The following PCDH7 variants were observed in gnomAD, a reference collection of about 807,000 sequenced individuals.
The protein encoded by PCDH7 is protocadherin 7.
A neutral mutation model predicts 58.9 loss-of-function variants in PCDH7; 17 were observed. That is an observed-to-expected ratio of 0.29 (90% CI 0.20 to 0.43). The LOEUF is 0.43. Among genes scored for constraint, PCDH7 ranks in the 20% least tolerant of loss-of-function variants. The probability of loss-of-function intolerance (pLI) is 1.00; values close to 1 mark genes in which losing one functional copy is unlikely to be tolerated. For missense variants in PCDH7, 1,274 were observed against 1,441.0 expected, an observed-to-expected ratio of 0.88 and a Z score of 1.88; for synonymous variants, 664 against 616.4, an observed-to-expected ratio of 1.08 and a Z score of -1.14.
At chr4:30,753,234 G>A (rs1024747336) in intron 1 of PCDH7, among the ~76,000 whole-genome samples, 1 of 152,044 alleles carries the variant, frequency 6.6e-6, no homozygotes, top group African/African-American at 2.4e-5. Context: ...TTTATTTCTG[G>A]TACATATCTC....
At chr4:31,083,955 G>C (rs1048929363) in intron 3 of PCDH7, among the ~76,000 whole-genome samples, 5 of 152,156 alleles carry the variant, frequency 3.3e-5, no homozygotes, top group Admixed American at 3.3e-4. Context: ...TTAAGTGATA[G>C]TAAATGTGAG....
chr4:30,924,160 C>T (rs367632204), intron 2 of PCDH7, among the ~76,000 whole-genome samples: 1 of 152,138 alleles, frequency 6.6e-6, no homozygotes, highest in Non-Finnish European at 1.5e-5. Flanking sequence ...CCTACTTGAT[C>T]TTTCCAAAGC....
At chr4:30,932,992 G>A (rs1397653164) in intron 2 of PCDH7, among the ~76,000 whole-genome samples, 1 of 151,740 alleles carries the variant, frequency 6.6e-6, no homozygotes, top group Non-Finnish European at 1.5e-5. Flanking sequence ...GCCTAAAGAG[G>A]AGGATGGAAT....
chr4:30,812,498 T>G (rs1452266098), intron 1 of PCDH7, among the ~76,000 whole-genome samples: 4 of 152,310 alleles, frequency 2.6e-5, no homozygotes, highest in South Asian at 4.1e-4. Flanking sequence ...ACAAATAAAC[T>G]TTCTTTTTCT....
At chr4:30,804,819 GCTACCAC>G (rs1261835311) in intron 1 of PCDH7, among the ~76,000 whole-genome samples, 2 of 152,152 alleles carry the variant, frequency 1.3e-5, no homozygotes, top group Non-Finnish European at 2.9e-5. Flanking sequence ...CTCTGACTTA[GCTACCAC>G]CTCCAGTGAT....
intron 2 of PCDH7, among the ~76,000 whole-genome samples, chr4:30,933,803 A>G (rs1744978339): frequency 6.6e-6 from 1 of 152,194 alleles, no homozygotes; most frequent in African/African-American, 2.4e-5. Context: ...AAAAATCATT[A>G]ATTAAATGCT....
intron 1 of PCDH7, among the ~76,000 whole-genome samples, chr4:30,827,216 G>A (rs898925495): frequency 5.9e-5 from 9 of 152,016 alleles, no homozygotes; most frequent in Non-Finnish European, 1.3e-4. Flanking sequence ...TGCTTGCTTT[G>A]GGCCAGCTAT....
chr4:30,824,258 C>A (rs768657858), intron 1 of PCDH7, among the ~76,000 whole-genome samples: 7 of 151,626 alleles, frequency 4.6e-5, no homozygotes, highest in Non-Finnish European at 8.8e-5. Flanking sequence ...TTTCTGTAGT[C>A]ATTGCCCACC....
intron 2 of PCDH7, chr4:30,935,246 C>A: frequency 1.7e-6 from 1 of 603,166 alleles, no homozygotes; most frequent in Non-Finnish European, 2.1e-6. Context: ...AATCTTTTTC[C>A]ACATTAAATC....
intron 1 of PCDH7, among the ~76,000 whole-genome samples, chr4:30,772,413 C>A (rs186793158): frequency 3.9e-5 from 6 of 152,304 alleles, no homozygotes; most frequent in Non-Finnish European, 8.8e-5. Context: ...TTCTCTATCT[C>A]TTTCTTTGTT....
intron 3 of PCDH7, among the ~76,000 whole-genome samples, chr4:31,105,875 C>G (rs183066186): frequency 4.6e-5 from 7 of 151,740 alleles, no homozygotes; most frequent in African/African-American, 1.7e-4. Flanking sequence ...GGCATGGTGG[C>G]GGGCGCCTGT....
At chr4:30,731,625 T>C (rs899166153) in exon 2 of PCDH7, 12 of 152,308 alleles carry the variant, frequency 7.9e-5, no homozygotes, top group African/African-American at 2.9e-4. Flanking sequence ...CTGTTCTTTA[T>C]GGACTACGTT....
chr4:30,946,383 T>C (rs776750622), intron 2 of PCDH7, among the ~76,000 whole-genome samples: 1 of 152,154 alleles, frequency 6.6e-6, no homozygotes, highest in Non-Finnish European at 1.5e-5. Context: ...ATCAAGGATG[T>C]GTTCTGTTGT....
Position 30,722,071 on chromosome 4 carries a change from G to C in PCDH7, c.649G>C (p.Gly217Arg). ...GGGCGGCGGGAACGGCGCGAGCGGC[G>C]GCGGCTCGGGAGGCTCCAAGCGGCG... Residue 217 changes from glycine to arginine, a missense_variant, in exon 1 of 2, where the codon GGC becomes CGC. Transcript: ENST00000361762. The surrounding 1 kb of genome is among the most constrained non-coding windows in gnomAD (Gnocchi z 7.6). 5 of 1,243,510 alleles carry C rather than the reference G, an allele frequency of 4.0e-6. No homozygotes were observed. Among genetic ancestry groups the C allele is most frequent in the Non-Finnish European group, 5.0e-6 (5 of 995,948 alleles). 77.0% of individuals were successfully genotyped at this position (1,243,510 alleles called of 1,614,324 possible).
chr4:30,739,949 G>A (rs1716849408), intron 1 of PCDH7, among the ~76,000 whole-genome samples: 1 of 152,122 alleles, frequency 6.6e-6, no homozygotes, highest in Non-Finnish European at 1.5e-5. Context: ...AGCTAAACTT[G>A]CATTGCACAC....
intron 1 of PCDH7, among the ~76,000 whole-genome samples, chr4:30,812,440 T>G (rs549595049): frequency 2.0e-5 from 3 of 152,332 alleles, no homozygotes; most frequent in African/African-American, 7.2e-5. Context: ...AATACCCTAG[T>G]CAGGACATTA....
chr4:30,889,137 CAAAAAAAAA>C (rs371917620), intron 1 of PCDH7, among the ~76,000 whole-genome samples: 2 of 49,986 alleles, frequency 4.0e-5, no homozygotes, highest in African/African-American at 1.5e-4. Flanking sequence ...GCAGATATCT[CAAAAAAAAA>C]AAAAAAAAAA....
intron 1 of PCDH7, among the ~76,000 whole-genome samples, chr4:30,761,792 A>G (rs1013202204): frequency 6.6e-6 from 1 of 152,246 alleles, no homozygotes; most frequent in African/African-American, 2.4e-5. Flanking sequence ...TGAATAATAT[A>G]AAATCTTACA....
intron 1 of PCDH7, among the ~76,000 whole-genome samples, chr4:30,850,652 G>A (rs751523566): frequency 1.3e-5 from 2 of 152,016 alleles, no homozygotes; most frequent in Non-Finnish European, 2.9e-5. Flanking sequence ...TACATTTGGT[G>A]TCCATATTTG....
Sources: gnomAD v4.1 joint callset for allele counts (sites outside exome capture counted in the v4.1 genomes callset) on GRCh38, gnomAD v4.1.1 for gene constraint, Gnocchi (gnomAD v3.1) non-coding constraint, MANE v1.5 for transcripts, NCBI Gene and HGNC (gene_info 2026-07-23, HGNC 2026-07-21) for gene names.